The following AIM2 variants were observed in gnomAD, a reference collection of about 807,000 sequenced individuals.
The protein encoded by AIM2 is interferon-inducible protein AIM2.
A neutral mutation model predicts 27.7 loss-of-function variants in AIM2; 30 were observed. The observed-to-expected ratio is 1.08, with a 90% CI of 0.81 to 1.47. AIM2 has a LOEUF of 1.47. Among genes scored for constraint, AIM2 ranks in the 40% most tolerant of loss-of-function variants. The probability of loss-of-function intolerance (pLI) is 0.00; values close to 1 mark genes in which losing one functional copy is unlikely to be tolerated. For missense variants in AIM2, 358 were observed against 411.3 expected (o/e 0.87, Z 1.12); for synonymous variants, 141 against 145.3 (o/e 0.97, Z 0.21).
intron 1 of AIM2, among the ~76,000 whole-genome samples, chr1:159,087,198 C>A (rs1287832974): frequency 6.6e-6 from 1 of 152,168 alleles, no homozygotes; most frequent in Non-Finnish European, 1.5e-5. Context: ...GGCTCCCAAC[C>A]CAACAGTCTC....
intron 1 of AIM2, among the ~76,000 whole-genome samples, chr1:159,094,852 T>C (rs1157796693): frequency 6.6e-6 from 1 of 152,244 alleles, no homozygotes; most frequent in African/African-American, 2.4e-5. Context: ...TTTTACCTTT[T>C]TGCTTTGTAT....
intron 4 of AIM2, among the ~76,000 whole-genome samples, chr1:159,065,589 A>AACTATAGTC (rs1656050037): frequency 6.6e-6 from 1 of 152,236 alleles, no homozygotes; most frequent in Non-Finnish European, 1.5e-5. Context: ...AGATAATCAC[A>AACTATAGTC]ACTATAGTCA....
At chr1:159,102,399 T>A (rs1214794351) in intron 1 of AIM2, among the ~76,000 whole-genome samples, 1 of 152,174 alleles carries the variant, frequency 6.6e-6, no homozygotes, top group Non-Finnish European at 1.5e-5. Context: ...AAGGGAAATA[T>A]GAGATAGGAG....
intron 1 of AIM2, among the ~76,000 whole-genome samples, chr1:159,092,408 C>T (rs191325302): frequency 2.0e-4 from 31 of 152,244 alleles, no homozygotes; most frequent in Admixed American, 9.8e-4. Flanking sequence ...AAACATACTC[C>T]GCAATTACAC....
rs545065703 is a variant in AIM2, at chr1:159,097,342, C to G, written c.-15-31013G>C. ...AATTAGAAGCAGAGGCTTCTAACTC[C>G]AAGGTGAATTATTGTCCCCTGGGCC... On this transcript the variant is annotated intron_variant, in intron 1 of 2. Coordinates refer to the AIM2 transcript ENST00000368129. Among the ~76,000 whole-genome samples the G allele has an allele frequency of 3.3e-5, 5 of 152,126 alleles. No individual in the cohort carries two copies. The East Asian group carries it at 9.7e-4, about 29-fold the overall frequency.
upstream of AIM2, among the ~76,000 whole-genome samples, chr1:159,142,824 C>T (rs115896076): frequency 3.1e-3 from 473 of 152,304 alleles, 1 homozygote; most frequent in Middle Eastern, 0.02. Context: ...ACTTTCAGCT[C>T]ATTTTCTCCT....
chr1:159,143,619 CA>C (rs1648153225), upstream of AIM2, among the ~76,000 whole-genome samples: 1 of 147,146 alleles, frequency 6.8e-6, no homozygotes, highest in South Asian at 2.1e-4. Flanking sequence ...CACACACACA[CA>C]CACACACACA....
In AIM2 at chr1:159,073,485, G is replaced by C; in HGVS notation, c.15C>G (p.Tyr5Ter). The C allele has an allele frequency of 1.2e-6, 2 of 1,613,722 alleles. No homozygotes were observed. The highest frequency in any genetic ancestry group is 1.7e-6 in the Non-Finnish European group (2 of 1,179,776). The change falls in exon 2 of 6, where the codon TAC (tyrosine) becomes TAG (stop). Residue 5 changes from tyrosine (Y) to a stop codon, truncating the protein, a stop_gained. Coordinates refer to ENST00000368130, the MANE Select transcript of AIM2 (RefSeq NM_004833.3). LOFTEE classifies it high-confidence loss of function. ...GGCCTGTTAGCAAGAGTATCTCCTT[G>C]TATTTACTCTCCATCTGACAACTTT... is the stretch of plus-strand genomic sequence containing the variant. MESK[Y>*]KEILLLTGLD...
At chr1:159,140,167 C>T (rs1557917749) in intron 1 of AIM2, among the ~76,000 whole-genome samples, 1 of 152,170 alleles carries the variant, frequency 6.6e-6, no homozygotes, top group Non-Finnish European at 1.5e-5. Flanking sequence ...TGCCCAGGAA[C>T]TTCTGGTCCA....
At chr1:159,064,599 G>A (rs2101964017) in intron 4 of AIM2, among the ~76,000 whole-genome samples, 1 of 152,310 alleles carries the variant, frequency 6.6e-6, no homozygotes, top group East Asian at 1.9e-4. Context: ...CCGAGTAGCT[G>A]GGATTATAGG....
upstream of AIM2, among the ~76,000 whole-genome samples, chr1:159,142,176 G>A (rs560793490): frequency 2.6e-5 from 4 of 152,260 alleles, no homozygotes; most frequent in Non-Finnish European, 5.9e-5. Flanking sequence ...AGCTGCTTCC[G>A]TAAAGGAACA....
intron 1 of AIM2, among the ~76,000 whole-genome samples, chr1:159,075,595 G>T (rs1005900364): frequency 3.5e-5 from 5 of 142,236 alleles, no homozygotes; most frequent in Admixed American, 7.0e-5. Flanking sequence ...GGCTATACCT[G>T]CTATATATAT....
At chr1:159,145,144 G>T (rs1354537214), upstream of AIM2, among the ~76,000 whole-genome samples, 1 of 152,072 alleles carries the variant, frequency 6.6e-6, no homozygotes, top group Non-Finnish European at 1.5e-5. Flanking sequence ...TCCCAGGAAG[G>T]CTGGAAAAGG....
At chr1:159,106,076 C>CAGAT (rs1657439095) in intron 1 of AIM2, among the ~76,000 whole-genome samples, 1 of 152,170 alleles carries the variant, frequency 6.6e-6, no homozygotes. Context: ...CACACTGGAG[C>CAGAT]AGATGCCAGG....
chr1:159,095,566 C>CT (rs1203262738), intron 1 of AIM2, among the ~76,000 whole-genome samples: 2 of 152,174 alleles, frequency 1.3e-5, no homozygotes, highest in African/African-American at 2.4e-5. Flanking sequence ...ATGTTCTGCA[C>CT]TTTTTTCTGG....
rs536906048 is a variant in AIM2 at position 159,126,474 on chromosome 1, T to C, written c.-16+13957A>G. Among the ~76,000 whole-genome samples the C allele has an allele frequency of 4.3e-4, 66 of 152,010 alleles. 1 individual carries two copies. Among genetic ancestry groups the C allele is most frequent in the East Asian group, 2.1e-3 (11 of 5,160 alleles). On this transcript the variant is annotated intron_variant, in intron 1 of 2. Coordinates refer to the AIM2 transcript ENST00000368129. ...CATCCTGGCTAACACGGTGAAACCC[T>C]GTCTCTACTAAAAATACAAAAAAAA...
chr1:159,068,447 G>T, intron 3 of AIM2, 121 bp downstream of exon 3: 1 of 1,319,334 alleles, frequency 7.6e-7, no homozygotes, highest in Non-Finnish European at 1.0e-6. Flanking sequence ...TGCTTTTCAT[G>T]CTGTGGCCTT....
chr1:159,133,502 A>G (rs1647948266), intron 1 of AIM2, among the ~76,000 whole-genome samples: 1 of 152,072 alleles, frequency 6.6e-6, no homozygotes, highest in South Asian at 2.1e-4. Flanking sequence ...AGTTGCCTAT[A>G]TGCATTCTTT....
At chr1:159,144,070 T>C (rs903191141), upstream of AIM2, among the ~76,000 whole-genome samples, 1 of 152,218 alleles carries the variant, frequency 6.6e-6, no homozygotes, top group African/African-American at 2.4e-5. Context: ...TGATCTTCCA[T>C]TTCTTTATTA....
Sources: gnomAD v4.1 joint callset for allele counts (sites outside exome capture counted in the v4.1 genomes callset) on GRCh38, gnomAD v4.1.1 for gene constraint, MANE v1.5 for transcripts, NCBI Gene and HGNC (gene_info 2026-07-23, HGNC 2026-07-21) for gene names.